Variants in DSCAM observed in about 807,000 individuals in gnomAD.
The protein encoded by DSCAM is cell adhesion molecule DSCAM.
DSCAM carries 47 observed loss-of-function variants against 217.7 expected under a neutral mutation model. The ratio of observed to expected loss-of-function variants is 0.22; its 90% confidence interval spans 0.17 to 0.28. The LOEUF is 0.28. Ranked by LOEUF, DSCAM falls within the 10% of genes least tolerant of loss-of-function variation. DSCAM has a pLI of 1.00. For synonymous variants in DSCAM, 1,056 were observed against 1,015.3 expected (o/e 1.04, Z -0.76); for missense variants, 2,080 against 2,618.3 (o/e 0.79, Z 4.49).
At chr21:40,762,951 TAA>T in intron 1 of DSCAM, among the ~76,000 whole-genome samples, 1 of 152,260 alleles carries the variant, frequency 6.6e-6, no homozygotes, top group East Asian at 1.9e-4. Context: ...CTCAAAATAA[TAA>T]GAGCTGTTTA....
intron 3 of DSCAM, among the ~76,000 whole-genome samples, chr21:40,583,502 C>T (rs1442590677): frequency 6.6e-6 from 1 of 152,142 alleles, no homozygotes; most frequent in African/African-American, 2.4e-5. Flanking sequence ...GCTGTCCCCA[C>T]CTGTCTCTTC....
intron 3 of DSCAM, among the ~76,000 whole-genome samples, chr21:40,643,279 ACTT>A (rs770518507): frequency 2.0e-4 from 30 of 152,280 alleles, no homozygotes; most frequent in East Asian, 1.5e-3. Context: ...AAGGGGCCTG[ACTT>A]CTTCTTGTTT....
chr21:40,713,546 G>T (rs2090806459), intron 1 of DSCAM, among the ~76,000 whole-genome samples: 1 of 152,152 alleles, frequency 6.6e-6, no homozygotes, highest in African/African-American at 2.4e-5. Context: ...TTTAACTAAG[G>T]TTAGGAAATA....
At chr21:40,180,916 ATAGGTTCCTTTAGCTCAGCCCC>A (rs1464052320) in intron 14 of DSCAM, among the ~76,000 whole-genome samples, 1 of 151,996 alleles carries the variant, frequency 6.6e-6, no homozygotes, top group Non-Finnish European at 1.5e-5. Context: ...TCCATGCCCT[ATAGGTTCCTTTAGCTCAGCCCC>A]TATCTCAGTG....
intron 8 of DSCAM, 26 bp from the exon 9 acceptor site, chr21:40,312,385 C>T (rs762660185): frequency 1.7e-5 from 27 of 1,607,794 alleles, no homozygotes; most frequent in East Asian, 4.5e-5. Context: ...AAGATAATAA[C>T]GAACTGTGCT....
At chr21:40,254,484 A>G (rs751868421) in intron 11 of DSCAM, among the ~76,000 whole-genome samples, 1 of 152,208 alleles carries the variant, frequency 6.6e-6, no homozygotes, top group Non-Finnish European at 1.5e-5. Context: ...TGGCAATACG[A>G]ATGCATCTGA....
chr21:40,761,169 ATCC>A (rs900008955), intron 1 of DSCAM, among the ~76,000 whole-genome samples: 1 of 152,180 alleles, frequency 6.6e-6, no homozygotes, highest in Admixed American at 6.5e-5. Context: ...GGACTTTATC[ATCC>A]TTGAGTCTGG....
At chr21:40,592,606 G>C (rs1278314290) in intron 3 of DSCAM, among the ~76,000 whole-genome samples, 2 of 152,030 alleles carry the variant, frequency 1.3e-5, no homozygotes. Context: ...TTGCCTCTGT[G>C]TGCTTGCCCA....
chr21:40,519,071 T>C (rs2076338141), intron 3 of DSCAM, among the ~76,000 whole-genome samples: 1 of 152,194 alleles, frequency 6.6e-6, no homozygotes. Context: ...ACTACTGTCA[T>C]ACATGTAGTC....
At chr21:40,798,623 G>T (rs1305093339) in intron 1 of DSCAM, among the ~76,000 whole-genome samples, 4 of 152,022 alleles carry the variant, frequency 2.6e-5, no homozygotes, top group Non-Finnish European at 5.9e-5. Context: ...GATAAACTAG[G>T]ATGTTGTCAT....
chr21:40,133,810 C>G, intron 19 of DSCAM, 44 bp downstream of exon 19: 1 of 1,556,366 alleles, frequency 6.4e-7, no homozygotes, highest in Non-Finnish European at 8.7e-7. Context: ...TGTGACCCAG[C>G]CCTTCCAGCA....
At chr21:40,357,567 T>C (rs986780796) in intron 4 of DSCAM, among the ~76,000 whole-genome samples, 2 of 152,184 alleles carry the variant, frequency 1.3e-5, no homozygotes, top group Non-Finnish European at 2.9e-5. Context: ...CATTGCAATA[T>C]TGTTTAGTAA....
chr21:40,111,986 T>C (rs2089904935), intron 20 of DSCAM, among the ~76,000 whole-genome samples: 2 of 152,010 alleles, frequency 1.3e-5, no homozygotes, highest in African/African-American at 4.8e-5. Flanking sequence ...AACACCCTAC[T>C]GTCAACATTA....
intron 3 of DSCAM, among the ~76,000 whole-genome samples, chr21:40,374,968 T>G (rs1286118809): frequency 2.0e-5 from 3 of 152,170 alleles, no homozygotes; most frequent in Non-Finnish European, 4.4e-5. Context: ...TCTTCAGAAG[T>G]CTTTTCCACA....
chr21:40,401,369 G>T (rs2075231810), intron 3 of DSCAM, among the ~76,000 whole-genome samples: 1 of 145,944 alleles, frequency 6.9e-6, no homozygotes, highest in Admixed American at 7.0e-5. Context: ...TTATATGGCT[G>T]CATAAAGGAT....
intron 22 of DSCAM, 22 bp downstream of exon 22, chr21:40,087,148 C>T (rs1295759572): frequency 2.0e-6 from 3 of 1,507,898 alleles, no homozygotes; most frequent in East Asian, 4.5e-5. Context: ...TCACTGAAGG[C>T]ATACATTGGG....
chr21:40,224,042 T>C (rs1001947849), intron 11 of DSCAM, among the ~76,000 whole-genome samples: 1 of 152,242 alleles, frequency 6.6e-6, no homozygotes, highest in Non-Finnish European at 1.5e-5. Flanking sequence ...TTTCTCAAAA[T>C]AACCCACAGT....
chr21:40,440,082 T>G (rs1288169874), intron 3 of DSCAM, among the ~76,000 whole-genome samples: 2 of 152,070 alleles, frequency 1.3e-5, no homozygotes. Flanking sequence ...GTCTTCTGAA[T>G]GAGTTGTAGG....
At chr21:40,659,020 T>G (rs1201574874) in intron 3 of DSCAM, among the ~76,000 whole-genome samples, 4 of 152,130 alleles carry the variant, frequency 2.6e-5, no homozygotes, top group Admixed American at 6.5e-5. Context: ...AGCTCTTAAG[T>G]GCTTCTTTGG....
Sources: allele counts gnomAD v4.1 joint callset (sites outside exome capture counted in the v4.1 genomes callset), GRCh38; gene constraint gnomAD v4.1.1; transcripts MANE v1.5; gene names NCBI Gene and HGNC (gene_info 2026-07-23, HGNC 2026-07-21).